The following IL7 variants were observed in gnomAD, a reference collection of about 807,000 sequenced individuals.
The protein encoded by IL7 is interleukin-7.
In IL7, 3 loss-of-function variants were observed where a neutral mutation model predicts 21.6. The observed-to-expected ratio is 0.14, with a 90% CI of 0.06 to 0.36. The LOEUF (loss-of-function observed/expected upper bound fraction) is 0.36. Ranked by LOEUF, IL7 falls within the 10% of genes least tolerant of loss-of-function variation. IL7 has a pLI of 1.00. For synonymous variants in IL7, 62 were observed against 68.1 expected (o/e 0.91, Z 0.44); for missense variants, 175 against 200.2 (o/e 0.87, Z 0.76).
chr8:78,750,845 T>C (rs569224498), intron 2 of IL7, among the ~76,000 whole-genome samples: 6 of 151,902 alleles, frequency 3.9e-5, no homozygotes, highest in African/African-American at 1.4e-4. Context: ...ATAAATAAAG[T>C]CTATGATTAA....
intron 2 of IL7, among the ~76,000 whole-genome samples, chr8:78,788,327 T>C (rs1020511062): frequency 6.6e-6 from 1 of 152,104 alleles, no homozygotes; most frequent in African/African-American, 2.4e-5. Context: ...TTTCCTAAGG[T>C]GGAAGATTAG....
At chr8:78,708,300 G>A (rs571628857) in intron 3 of IL7, among the ~76,000 whole-genome samples, 7 of 152,248 alleles carry the variant, frequency 4.6e-5, no homozygotes, top group Admixed American at 1.3e-4. Flanking sequence ...GCATACCAGT[G>A]ATCTGTAATA....
intron 3 of IL7, among the ~76,000 whole-genome samples, chr8:78,703,552 T>TA (rs397800534): frequency 2.0e-3 from 299 of 150,294 alleles, no homozygotes; most frequent in Non-Finnish European, 3.5e-3. Context: ...TTTTTTTTTT[T>TA]AAATCTTTGT....
At chr8:78,680,574 G>A (rs1281029670) in intron 4 of IL7, among the ~76,000 whole-genome samples, 1 of 152,110 alleles carries the variant, frequency 6.6e-6, no homozygotes, top group Non-Finnish European at 1.5e-5. Flanking sequence ...CCTGTATCAA[G>A]AAAATCCTAC....
intron 4 of IL7, among the ~76,000 whole-genome samples, chr8:78,682,308 T>C (rs1421576692): frequency 2.0e-5 from 3 of 149,648 alleles, no homozygotes; most frequent in Admixed American, 2.0e-4. Flanking sequence ...GATGTATTAG[T>C]CCATTTTCCT....
At chr8:78,756,855 ATTTAG>A (rs1169490037) in intron 2 of IL7, among the ~76,000 whole-genome samples, 1 of 151,510 alleles carries the variant, frequency 6.6e-6, no homozygotes, top group African/African-American at 2.4e-5. Flanking sequence ...TAGTTTTATT[ATTTAG>A]TTTAGTTTAG....
downstream of IL7, among the ~76,000 whole-genome samples, chr8:78,716,600 A>G (rs1168905794): frequency 6.6e-6 from 1 of 152,208 alleles, no homozygotes; most frequent in Non-Finnish European, 1.5e-5. Context: ...AAGGATCTCT[A>G]TCTTTCCTCA....
At chr8:78,779,972 T>G (rs1036430133) in intron 2 of IL7, among the ~76,000 whole-genome samples, 3 of 152,208 alleles carry the variant, frequency 2.0e-5, no homozygotes, top group Non-Finnish European at 4.4e-5. Context: ...TGGGAGTATA[T>G]ATCTGTCCAG....
intron 4 of IL7, among the ~76,000 whole-genome samples, chr8:78,677,967 A>G (rs577957945): frequency 1.3e-5 from 2 of 152,210 alleles, no homozygotes; most frequent in East Asian, 3.9e-4. Flanking sequence ...TTTTTAAACC[A>G]TATAGGGTAA....
chr8:78,712,129 G>A (rs1336876379), intron 3 of IL7: 7 of 1,245,398 alleles, frequency 5.6e-6, no homozygotes, highest in Non-Finnish European at 7.3e-6. Flanking sequence ...AACTCAGTTT[G>A]GTTAATATTT....
chr8:78,804,485 G>A (rs1227490035), intron 1 of IL7, among the ~76,000 whole-genome samples: 1 of 152,178 alleles, frequency 6.6e-6, no homozygotes, highest in African/African-American at 2.4e-5. Flanking sequence ...TCTCTAGGGA[G>A]TTCTGAGCTG....
intron 3 of IL7, among the ~76,000 whole-genome samples, chr8:78,690,490 G>A (rs1441438477): frequency 6.6e-6 from 1 of 151,600 alleles, no homozygotes; most frequent in Non-Finnish European, 1.5e-5. Context: ...AACCTGGGAG[G>A]AGGAGCTTGC....
chr8:78,675,719 A>G (rs1415647319), downstream of IL7: 33 of 1,389,902 alleles, frequency 2.4e-5, no homozygotes, highest in Non-Finnish European at 3.1e-5. Flanking sequence ...CTAAGAGAAA[A>G]CATTAAAATG....
intron 2 of IL7, among the ~76,000 whole-genome samples, chr8:78,741,377 AC>A (rs1295443647): frequency 6.6e-6 from 1 of 152,154 alleles, no homozygotes; most frequent in East Asian, 1.9e-4. Flanking sequence ...ACTTCCCCAT[AC>A]CCCAAGGACA....
chr8:78,697,148 A>G (rs534442124), intron 3 of IL7, among the ~76,000 whole-genome samples: 1 of 152,246 alleles, frequency 6.6e-6, no homozygotes, highest in Middle Eastern at 3.4e-3. Context: ...TTTCTTTCCA[A>G]TTATTTTTTT....
chr8:78,746,905 A>G (rs1054087688), intron 2 of IL7: 8 of 372,344 alleles, frequency 2.1e-5, no homozygotes, highest in Non-Finnish European at 4.2e-5. Context: ...CAATTTCTGT[A>G]TTCTTTGTGA....
intron 2 of IL7, among the ~76,000 whole-genome samples, chr8:78,782,139 C>A (rs1813354044): frequency 6.6e-6 from 1 of 152,134 alleles, no homozygotes; most frequent in South Asian, 2.1e-4. Context: ...TTCTTAACTT[C>A]TTTGCATTGG....
At chr8:78,716,965 T>C (rs890367879), downstream of IL7, among the ~76,000 whole-genome samples, 1 of 152,172 alleles carries the variant, frequency 6.6e-6, no homozygotes, top group African/African-American at 2.4e-5. Flanking sequence ...ATAAGTTTCC[T>C]GAGGCCTCCC....
chr8:78,708,414 A>T (rs755524784), intron 3 of IL7, among the ~76,000 whole-genome samples: 22 of 152,094 alleles, frequency 1.4e-4, no homozygotes, highest in Non-Finnish European at 2.8e-4. Flanking sequence ...GCAGTGCCTC[A>T]CACCTGTAAT....
Sources: allele counts gnomAD v4.1 joint callset (sites outside exome capture counted in the v4.1 genomes callset), GRCh38; gene constraint gnomAD v4.1.1; transcripts MANE v1.5; gene names NCBI Gene and HGNC (gene_info 2026-07-23, HGNC 2026-07-21).